The following MAEA variants were observed in gnomAD, a reference collection of about 807,000 sequenced individuals.
MAEA encodes the protein macrophage erythroblast attacher, E3 ubiquitin ligase, also known as E3 ubiquitin-protein transferase MAEA.
A neutral mutation model predicts 46.2 loss-of-function variants in MAEA; 22 were observed. That is an observed-to-expected ratio of 0.48 (90% CI 0.34 to 0.68). The LOEUF is 0.68. Ranked by LOEUF, MAEA falls within the 30% of genes least tolerant of loss-of-function variation. MAEA has a pLI of 0.01. For synonymous variants in MAEA, 246 were observed against 222.6 expected (o/e 1.11, Z -0.94); for missense variants, 393 against 558.1 (o/e 0.70, Z 2.98).
At chr4:1,323,442 A>G (rs1738402556) in intron 4 of MAEA, 3 of 701,874 alleles carry the variant, frequency 4.3e-6, no homozygotes, top group Non-Finnish European at 7.8e-6. Context: ...ACCCTGGCTG[A>G]GTTTGGCAGG....
intron 5 of MAEA, chr4:1,328,815 G>C: frequency 5.6e-6 from 6 of 1,069,132 alleles, no homozygotes; most frequent in Non-Finnish European, 6.9e-6. Flanking sequence ...GGCGCATGGT[G>C]GCAGGTCAGG....
intron 3 of MAEA, among the ~76,000 whole-genome samples, chr4:1,318,356 G>T (rs1172793886): frequency 6.6e-6 from 1 of 152,244 alleles, no homozygotes; most frequent in East Asian, 1.9e-4. Flanking sequence ...AAAGAAGGGG[G>T]TCCTGTGGTG....
chr4:1,297,694 G>A (rs543770929), intron 1 of MAEA, among the ~76,000 whole-genome samples: 35 of 152,288 alleles, frequency 2.3e-4, no homozygotes, highest in African/African-American at 7.7e-4. Flanking sequence ...CTTTGTCGTC[G>A]TTCACGTCAC....
At chr4:1,290,712 T>A (rs1337163754) in intron 1 of MAEA, among the ~76,000 whole-genome samples, 1 of 152,210 alleles carries the variant, frequency 6.6e-6, no homozygotes, top group Non-Finnish European at 1.5e-5. Flanking sequence ...GTTGCCTTCC[T>A]GGAGAGCTGC....
chr4:1,298,181 C>T (rs11723894), intron 1 of MAEA: 52,320 of 424,588 alleles, frequency 0.12, 7,076 homozygotes, highest in East Asian at 0.42. Flanking sequence ...TGTGCTCTGC[C>T]CGCGGCTTGG....
At position 1,315,247 on chromosome 4, in the gene MAEA, A is replaced by G. The variant is rs535629711; in HGVS notation, c.253-150A>G. ...GCTCTTGGGCCAGGCACACCTGCCT[A>G]GCGGACTCGGTAGAGCACGGTTTTT... On this transcript the variant is annotated intron_variant, in intron 2 of 8. Coordinates refer to ENST00000303400, the MANE Select transcript of MAEA (RefSeq NM_001017405.3). 8 of 680,604 alleles carry G rather than the reference A, an allele frequency of 1.2e-5. No individual in the cohort carries two copies. The South Asian group carries it at 1.5e-4, about 13-fold the overall frequency. The allele number at this position is 680,604 out of a possible 1,614,324, so 42.2% of individuals were successfully genotyped here.
At chr4:1,323,018 G>A (rs922350018) in intron 4 of MAEA, among the ~76,000 whole-genome samples, 16 of 128,046 alleles carry the variant, frequency 1.2e-4, no homozygotes, top group African/African-American at 2.4e-4. Flanking sequence ...GCAGTGGCAC[G>A]ATCTTGGCTC....
intron 1 of MAEA, chr4:1,309,862 A>G: frequency 7.6e-7 from 1 of 1,308,434 alleles, no homozygotes. Flanking sequence ...GAGCAGCGTC[A>G]GCACCGCGGT....
intron 1 of MAEA, among the ~76,000 whole-genome samples, chr4:1,301,083 C>T (rs1191028280): frequency 1.3e-5 from 2 of 152,220 alleles, no homozygotes; most frequent in Admixed American, 6.5e-5. Context: ...GAAACCTCTT[C>T]TGGTTAATTG....
At chr4:1,306,281 G>A (rs965207678) in intron 1 of MAEA, among the ~76,000 whole-genome samples, 3 of 152,196 alleles carry the variant, frequency 2.0e-5, no homozygotes, top group Non-Finnish European at 4.4e-5. Context: ...GATGTTGCAC[G>A]TCTTCCTGGA....
chr4:1,290,783 T>A (rs566321407), intron 1 of MAEA, among the ~76,000 whole-genome samples: 1 of 152,292 alleles, frequency 6.6e-6, no homozygotes, highest in East Asian at 1.9e-4. Context: ...ACGGACGGTG[T>A]GGCGACAGGT....
intron 1 of MAEA, among the ~76,000 whole-genome samples, chr4:1,310,515 T>G: frequency 6.6e-6 from 1 of 152,200 alleles, no homozygotes; most frequent in Non-Finnish European, 1.5e-5. Flanking sequence ...GTCACTGCTT[T>G]GTGAGTTGGT....
At position 1,322,509 on chromosome 4, in the gene MAEA, C is replaced by A; in HGVS notation, c.579+6C>A. ...CCCGGCTCCGGAAGATGAAGGTGCA[C>A]GGACTCCCAGGTTGGGGTGGGAGTG... On this transcript the variant is annotated splice_donor_region_variant and intron_variant, in intron 4 of 8. Transcript: ENST00000303400. The A allele has an allele frequency of 8.7e-6, 14 of 1,613,166 alleles. No homozygotes were observed. The highest frequency in any genetic ancestry group is 1.0e-5 in the Non-Finnish European group (12 of 1,179,720).
At chr4:1,307,853 C>T (rs1233079299) in intron 1 of MAEA, among the ~76,000 whole-genome samples, 3 of 152,156 alleles carry the variant, frequency 2.0e-5, no homozygotes, top group African/African-American at 7.2e-5. Context: ...GACTGGATGG[C>T]ACCACCTACC....
chr4:1,316,429 G>A lies in MAEA; in HGVS notation c.456+829G>A, dbSNP rs1369925622. 5.3e-5 allele frequency among the ~76,000 whole-genome samples: 8 copies of A among 151,848 alleles called. No homozygotes were observed. In the East Asian group the frequency reaches 5.9e-4, roughly 11 times the overall value. On this transcript the variant is annotated intron_variant, in intron 3 of 8. Coordinates refer to ENST00000303400, the MANE Select transcript of MAEA (RefSeq NM_001017405.3). ...GTGGGAGCACAGCCTCACCTGACTC[G>A]GGTTAAGGTGGCGTCCGTGTTCCAT...
intron 1 of MAEA, among the ~76,000 whole-genome samples, chr4:1,297,225 G>A (rs1181328941): frequency 6.6e-6 from 1 of 152,220 alleles, no homozygotes; most frequent in East Asian, 1.9e-4. Flanking sequence ...CCGAGAACTC[G>A]GAGGTTTTCT....
intron 5 of MAEA, chr4:1,329,412 G>A: frequency 1.0e-6 from 1 of 985,484 alleles, no homozygotes; most frequent in Non-Finnish European, 1.2e-6. Context: ...GCCGAGCTCA[G>A]AGCTGTGCCC....
intron 5 of MAEA, 140 bp downstream of exon 5, chr4:1,327,843 T>G (rs75568808): frequency 0.033 from 21,472 of 656,244 alleles, 978 homozygotes; most frequent in East Asian, 0.18. Flanking sequence ...CCCTGCCTGC[T>G]CAGGTGGCTG....
chr4:1,294,922 T>G (rs1329413646), intron 1 of MAEA, among the ~76,000 whole-genome samples: 1 of 151,996 alleles, frequency 6.6e-6, no homozygotes, highest in Non-Finnish European at 1.5e-5. Context: ...TGGACCGTGT[T>G]GAAGTCCTGG....
Sources: gnomAD v4.1 joint callset for allele counts (sites outside exome capture counted in the v4.1 genomes callset) on GRCh38, gnomAD v4.1.1 for gene constraint, MANE v1.5 for transcripts, NCBI Gene and HGNC (gene_info 2026-07-23, HGNC 2026-07-21) for gene names.